The following PPP4R4 variants were observed in gnomAD, a reference collection of about 807,000 sequenced individuals.
The protein encoded by PPP4R4 is serine/threonine-protein phosphatase 4 regulatory subunit 4.
Under a neutral mutation model 121.8 loss-of-function variants are expected in PPP4R4, and 70 were observed. The ratio of observed to expected loss-of-function variants is 0.57; its 90% CI spans 0.47 to 0.70. The LOEUF is 0.70. Among genes scored for constraint, PPP4R4 ranks in the 30% least tolerant of loss-of-function variants. The pLI is 0.00. For missense variants in PPP4R4, 875 were observed against 1,033.6 expected, an observed-to-expected ratio of 0.85 and a Z score of 2.10; for synonymous variants, 348 against 355.7, an observed-to-expected ratio of 0.98 and a Z score of 0.24.
At chr14:94,236,377 T>G (rs1256567220) in intron 7 of PPP4R4, among the ~76,000 whole-genome samples, 1 of 152,182 alleles carries the variant, frequency 6.6e-6, no homozygotes. Flanking sequence ...TACAAATATA[T>G]TCTGAGCAAA....
intron 3 of PPP4R4, chr14:94,227,916 TG>T: frequency 8.3e-6 from 8 of 966,280 alleles, no homozygotes; most frequent in Non-Finnish European, 9.8e-6. Flanking sequence ...ATTGTTAGTG[TG>T]GAAGAAATGT....
At chr14:94,278,058 C>T (rs988052771) in intron 24 of PPP4R4, among the ~76,000 whole-genome samples, 3 of 152,040 alleles carry the variant, frequency 2.0e-5, no homozygotes, top group Admixed American at 1.3e-4. Context: ...AAATAGTATC[C>T]ACAATTCAAA....
At chr14:94,218,339 C>CACACACAT (rs774511703) in intron 3 of PPP4R4, among the ~76,000 whole-genome samples, 3 of 151,446 alleles carry the variant, frequency 2.0e-5, no homozygotes, top group Non-Finnish European at 4.4e-5. Context: ...AGCGCACACA[C>CACACACAT]ACACACATAC....
intron 19 of PPP4R4, among the ~76,000 whole-genome samples, chr14:94,262,608 C>T (rs1309212570): frequency 6.6e-6 from 1 of 151,920 alleles, no homozygotes; most frequent in East Asian, 1.9e-4. Context: ...ATTGAAGACC[C>T]CACCAGTGTT....
chr14:94,239,355 C>A (rs1260899603), intron 8 of PPP4R4, among the ~76,000 whole-genome samples: 1 of 122,518 alleles, frequency 8.2e-6, no homozygotes, highest in Non-Finnish European at 1.7e-5. Context: ...CCCCTCCCCC[C>A]ACCCCACGAC....
Position 94,230,862 on chromosome 14 carries a change from A to C in PPP4R4, c.442+128A>C, listed in dbSNP as rs1891993401. On this transcript the variant is annotated intron_variant, in intron 4 of 24. Transcript: ENST00000304338. ...AGGCCATGCTGCCTAGGAGTTGAGCAGTGGAATGACTTAAAATAGCTATGG... is the reference window on the plus strand; with the variant it reads ...AGGCCATGCTGCCTAGGAGTTGAGCCGTGGAATGACTTAAAATAGCTATGG... The C allele has an allele frequency of 5.5e-6, 6 of 1,085,212 alleles. No individual in the cohort carries two copies. The South Asian group carries it at 6.0e-5, about 11-fold the overall frequency. The allele number at this position is 1,085,212 out of a possible 1,614,324, so 67.2% of individuals were successfully genotyped here.
chr14:94,218,670 A>G lies in PPP4R4; in HGVS notation c.294+10104A>G, dbSNP rs1891196985. Among the ~76,000 whole-genome samples the G allele has an allele frequency of 8.1e-5, 9 of 110,490 alleles. No individual in the cohort carries two copies. In the South Asian group the frequency reaches 2.8e-3, roughly 34 times the overall value. 72.5% of individuals were successfully genotyped at this position (110,490 alleles called of 152,430 possible). A position where few individuals can be genotyped will look rare whatever the true frequency, so the allele number is the denominator to read the frequency against. On this transcript the variant is annotated intron_variant, in intron 3 of 24. Coordinates refer to ENST00000304338, the MANE Select transcript of PPP4R4 (RefSeq NM_058237.2). ...CTAGACACTGCGCGCGCGCACACAC[A>G]CACACTCACCCCTAGACACTGCACG...
At chr14:94,221,301 T>G (rs1452730578) in intron 3 of PPP4R4, among the ~76,000 whole-genome samples, 1 of 152,132 alleles carries the variant, frequency 6.6e-6, no homozygotes, top group African/African-American at 2.4e-5. Context: ...TTTGTGACCT[T>G]GGGTTAGGTA....
rs921091287 is a variant in PPP4R4 at position 94,225,076 on chromosome 14, G to T, written c.295-5511G>T. 5.9e-5 allele frequency among the ~76,000 whole-genome samples: 9 copies of T among 152,142 alleles called. No individual in the cohort carries two copies. The South Asian group carries it at 8.3e-4, about 14-fold the overall frequency. ...ATGTGTGCACAGAGAACCTATGCAG[G>T]TATATAAATAGAAATGTTGGGGTTA... On this transcript the variant is annotated intron_variant, in intron 3 of 24. Transcript: ENST00000304338.
At chr14:94,187,302 T>C (rs1467318576) in intron 2 of PPP4R4, among the ~76,000 whole-genome samples, 1 of 151,934 alleles carries the variant, frequency 6.6e-6, no homozygotes, top group Non-Finnish European at 1.5e-5. Context: ...CAAGACTCTG[T>C]CTCGGAAAAA....
intron 2 of PPP4R4, among the ~76,000 whole-genome samples, chr14:94,179,201 C>T (rs1307259826): frequency 6.6e-6 from 1 of 152,198 alleles, no homozygotes; most frequent in Non-Finnish European, 1.5e-5. Flanking sequence ...CAAAAGAAAC[C>T]TTGTACTATT....
At chr14:94,204,896 TTTTC>T (rs1890379382) in intron 2 of PPP4R4, among the ~76,000 whole-genome samples, 1 of 152,208 alleles carries the variant, frequency 6.6e-6, no homozygotes, top group South Asian at 2.1e-4. Context: ...CATGTGATAT[TTTTC>T]TTCTTTAGCC....
intron 7 of PPP4R4, 100 bp downstream of exon 7, chr14:94,234,769 T>A: frequency 1.2e-6 from 1 of 818,666 alleles, no homozygotes; most frequent in Middle Eastern, 2.3e-4. Context: ...ACCTCCTCTA[T>A]GTCTGGATTA....
chr14:94,231,717 A>T (rs1892048398), intron 5 of PPP4R4, among the ~76,000 whole-genome samples: 1 of 152,166 alleles, frequency 6.6e-6, no homozygotes, highest in African/African-American at 2.4e-5. Flanking sequence ...CTTATATTTT[A>T]CTATTGAATA....
chr14:94,178,533 A>G lies in PPP4R4; in HGVS notation c.191+2406A>G, dbSNP rs79007666. Among the ~76,000 whole-genome samples, 1,328 of 152,036 alleles carry G rather than the reference A, an allele frequency of 8.7e-3. 10 individuals are homozygous for G. Among genetic ancestry groups the G allele is most frequent in the Middle Eastern group, 0.017 (5 of 292 alleles). ...TGATAGCATTTAGATTGAATCCAGT[A>G]TCTGAAAAAAGCATTTTATATATAG... On this transcript the variant is annotated intron_variant, in intron 2 of 24. Coordinates refer to ENST00000304338, the MANE Select transcript of PPP4R4 (RefSeq NM_058237.2).
At position 94,255,536 on chromosome 14, in the gene PPP4R4, G is replaced by A. The variant is rs147061343; in HGVS notation, c.1866-924G>A. Among the ~76,000 whole-genome samples the A allele has an allele frequency of 3.0e-3, 447 of 151,104 alleles. 2 individuals are homozygous for A. The highest frequency in any genetic ancestry group is 0.01 in the African/African-American group (425 of 41,052). ...GAATGGCATGAACCTGGGAGGCGGA[G>A]CCTGCAGTGAGCCGAGATCACACCA... On this transcript the variant is annotated intron_variant, in intron 16 of 24. Coordinates refer to ENST00000304338, the MANE Select transcript of PPP4R4 (RefSeq NM_058237.2).
At chr14:94,181,280 A>C (rs1365209828) in intron 2 of PPP4R4, among the ~76,000 whole-genome samples, 1 of 151,912 alleles carries the variant, frequency 6.6e-6, no homozygotes, top group Non-Finnish European at 1.5e-5. Flanking sequence ...GAGAGATCAC[A>C]TTTGTGTTGT....
chr14:94,239,803 G>T (rs765052020), intron 8 of PPP4R4, among the ~76,000 whole-genome samples: 3 of 152,122 alleles, frequency 2.0e-5, no homozygotes, highest in Non-Finnish European at 4.4e-5. Flanking sequence ...TATATTTTTT[G>T]TGTTTGGCTT....
At chr14:94,235,530 G>C (rs2139549048) in intron 7 of PPP4R4, among the ~76,000 whole-genome samples, 1 of 151,062 alleles carries the variant, frequency 6.6e-6, no homozygotes, top group Admixed American at 6.6e-5. Context: ...CTCCCAAGTA[G>C]CTGGGACTAC....
Sources: allele counts gnomAD v4.1 joint callset (sites outside exome capture counted in the v4.1 genomes callset), GRCh38; gene constraint gnomAD v4.1.1; transcripts MANE v1.5; gene names NCBI Gene and HGNC (gene_info 2026-07-23, HGNC 2026-07-21).